NCOA2: variants seen among roughly 807,000 people sequenced by gnomAD.
NCOA2 encodes the protein nuclear receptor coactivator 2, also known as class E basic helix-loop-helix protein 75.
In NCOA2, 21 loss-of-function variants were observed where a neutral mutation model predicts 145.1. The observed-to-expected ratio is 0.14, with a 90% CI of 0.10 to 0.21. The LOEUF is 0.21. Among genes scored for constraint, NCOA2 ranks in the 10% least tolerant of loss-of-function variants. The probability of loss-of-function intolerance (pLI) is 1.00; values close to 1 mark genes in which losing one functional copy is unlikely to be tolerated. For synonymous variants in NCOA2, 619 were observed against 637.5 expected, an observed-to-expected ratio of 0.97 and a Z score of 0.44; for missense variants, 1,472 against 1,837.6, an observed-to-expected ratio of 0.80 and a Z score of 3.64.
chr8:70,278,974 CAA>C (rs533687539), intron 2 of NCOA2, among the ~76,000 whole-genome samples: 20 of 127,424 alleles, frequency 1.6e-4, no homozygotes, highest in Admixed American at 3.9e-4. Flanking sequence ...CTCCCCCAAC[CAA>C]AAAAAAAAAA....
chr8:70,424,780 C>T, the NCOA2 span, among the ~76,000 whole-genome samples: 2 of 152,192 alleles, frequency 1.3e-5, no homozygotes, highest in Non-Finnish European at 2.9e-5. Context: ...TATTTAAGCA[C>T]GCAAATGTGA....
the NCOA2 span, among the ~76,000 whole-genome samples, chr8:70,445,767 T>C: frequency 6.6e-6 from 1 of 152,230 alleles, no homozygotes; most frequent in African/African-American, 2.4e-5. Flanking sequence ...TTGTGTTTGA[T>C]TGATTGATTG....
chr8:70,451,232 A>AT, the NCOA2 span, among the ~76,000 whole-genome samples: 753 of 119,612 alleles, frequency 6.3e-3, 7 homozygotes, highest in East Asian at 0.026. Flanking sequence ...AAAAAAAAAA[A>AT]AAAAAATATA....
At chr8:70,195,949 C>T (rs1007100665) in intron 4 of NCOA2, among the ~76,000 whole-genome samples, 4 of 152,204 alleles carry the variant, frequency 2.6e-5, no homozygotes, top group African/African-American at 4.8e-5. Flanking sequence ...TAGGGGACAT[C>T]ATTCATTGAA....
intron 12 of NCOA2, 36 bp downstream of exon 12, chr8:70,148,237 A>C: frequency 6.3e-7 from 1 of 1,589,806 alleles, no homozygotes; most frequent in Non-Finnish European, 8.6e-7. Context: ...ATTATATGGA[A>C]ATTTCTTGGC....
chr8:70,290,014 G>A (rs1484423431), intron 2 of NCOA2, among the ~76,000 whole-genome samples: 5 of 151,928 alleles, frequency 3.3e-5, no homozygotes, highest in East Asian at 3.9e-4. Context: ...CTACCCCTAC[G>A]TATACTTCTT....
chr8:70,319,877 T>C (rs1207217144), intron 1 of NCOA2, among the ~76,000 whole-genome samples: 1 of 152,122 alleles, frequency 6.6e-6, no homozygotes, highest in Admixed American at 6.6e-5. Context: ...ATGTCAGACA[T>C]GGAGGTAAAA....
intron 2 of NCOA2, among the ~76,000 whole-genome samples, chr8:70,282,557 G>C (rs537199219): frequency 6.6e-6 from 1 of 151,934 alleles, no homozygotes; most frequent in Non-Finnish European, 1.5e-5. Context: ...GCATTGTGGC[G>C]CACGCCTGTA....
At chr8:70,379,759 T>A (rs567102174) in intron 1 of NCOA2, among the ~76,000 whole-genome samples, 2 of 152,196 alleles carry the variant, frequency 1.3e-5, no homozygotes, top group South Asian at 4.1e-4. Flanking sequence ...AAATATATAT[T>A]AGTAGCAAAA....
At chr8:70,382,288 A>G (rs982896501) in intron 1 of NCOA2, among the ~76,000 whole-genome samples, 3 of 152,034 alleles carry the variant, frequency 2.0e-5, no homozygotes, top group African/African-American at 7.2e-5. Flanking sequence ...GGCCCACCTG[A>G]CACAAGCAGG....
At chr8:70,168,917 A>G (rs954537671) in intron 6 of NCOA2, among the ~76,000 whole-genome samples, 2 of 152,242 alleles carry the variant, frequency 1.3e-5, no homozygotes, top group African/African-American at 4.8e-5. Flanking sequence ...CTACACAAGT[A>G]TTCATACATT....
At chr8:70,428,333 A>T in the NCOA2 span, among the ~76,000 whole-genome samples, 1 of 151,800 alleles carries the variant, frequency 6.6e-6, no homozygotes, top group African/African-American at 2.4e-5. Context: ...GATGGCATGC[A>T]CCTATAATTT....
chr8:70,138,531 T>A (rs1810005519), intron 14 of NCOA2, among the ~76,000 whole-genome samples, 199 bp from the exon 15 acceptor site: 1 of 152,184 alleles, frequency 6.6e-6, no homozygotes, highest in Non-Finnish European at 1.5e-5. Context: ...TCAGAGAATA[T>A]CTAGACAAGC....
At chr8:70,307,331 A>C (rs1827977879) in intron 1 of NCOA2, among the ~76,000 whole-genome samples, 1 of 152,150 alleles carries the variant, frequency 6.6e-6, no homozygotes, top group Non-Finnish European at 1.5e-5. Context: ...ACTTGACACA[A>C]GGAATTTCAT....
At chr8:70,361,418 C>T (rs1321510004) in intron 1 of NCOA2, among the ~76,000 whole-genome samples, 1 of 151,698 alleles carries the variant, frequency 6.6e-6, no homozygotes, top group Admixed American at 6.6e-5. Flanking sequence ...ATCACTTGAA[C>T]CCAGGAGGCT....
chr8:70,402,925 GC>G (rs1814477902), intron 1 of NCOA2, among the ~76,000 whole-genome samples: 1 of 85,020 alleles, frequency 1.2e-5, no homozygotes, highest in Non-Finnish European at 2.3e-5. Flanking sequence ...CCAGCGCGCC[GC>G]CCGCCCCGCC....
intron 2 of NCOA2, among the ~76,000 whole-genome samples, chr8:70,243,311 C>A (rs1211019457): frequency 6.6e-6 from 1 of 152,098 alleles, no homozygotes; most frequent in Non-Finnish European, 1.5e-5. Flanking sequence ...TATGAAACGT[C>A]ATTCACAAAA....
At chr8:70,402,515 G>A (rs1814385041) in intron 1 of NCOA2, 1 of 152,194 alleles carries the variant, frequency 6.6e-6, no homozygotes, top group African/African-American at 2.4e-5. Context: ...GGTCTCGGAA[G>A]AGGCGCCTCT....
chr8:70,345,610 A>C (rs1234154523), intron 1 of NCOA2, among the ~76,000 whole-genome samples: 1 of 152,194 alleles, frequency 6.6e-6, no homozygotes, highest in Non-Finnish European at 1.5e-5. Context: ...ACAAGCACTA[A>C]ATACTTCTCA....
Sources: gnomAD v4.1 joint callset for allele counts (sites outside exome capture counted in the v4.1 genomes callset) on GRCh38, gnomAD v4.1.1 for gene constraint, MANE v1.5 for transcripts, NCBI Gene and HGNC (gene_info 2026-07-23, HGNC 2026-07-21) for gene names.